Variants in SLC12A8 observed in about 807,000 individuals in gnomAD.
SLC12A8 encodes solute carrier family 12 member 8, also known as cation-chloride cotransporter 9.
Under a neutral mutation model 75.6 loss-of-function variants are expected in SLC12A8, and 69 were observed. The observed-to-expected ratio is 0.91, with a 90% confidence interval of 0.75 to 1.11. The LOEUF is 1.11. SLC12A8 is among the 50% of genes most tolerant of loss of function. The pLI is 0.00. For missense variants in SLC12A8, 877 were observed against 896.7 expected (o/e 0.98, Z 0.28); for synonymous variants, 365 against 372.8 (o/e 0.98, Z 0.24).
At chr3:125,135,144 C>T (rs771335055) in intron 6 of SLC12A8, among the ~76,000 whole-genome samples, 1 of 152,140 alleles carries the variant, frequency 6.6e-6, no homozygotes, top group South Asian at 2.1e-4. Context: ...TCCTCACCCC[C>T]GCGATACTGG....
intron 1 of SLC12A8, among the ~76,000 whole-genome samples, chr3:125,211,990 C>T (rs1328076012): frequency 1.3e-5 from 2 of 152,008 alleles, no homozygotes; most frequent in African/African-American, 2.4e-5. Context: ...CTGGACCTGG[C>T]TTTCCTTGAG....
At chr3:125,196,010 A>C (rs1458258037) in intron 2 of SLC12A8, among the ~76,000 whole-genome samples, 2 of 152,208 alleles carry the variant, frequency 1.3e-5, no homozygotes, top group Non-Finnish European at 2.9e-5. Context: ...GAACCAGTGA[A>C]ACATCAGCTG....
intron 5 of SLC12A8, among the ~76,000 whole-genome samples, chr3:125,137,179 C>T (rs1396310992): frequency 3.3e-5 from 5 of 152,306 alleles, no homozygotes; most frequent in South Asian, 4.1e-4. Context: ...CCAATGAGGT[C>T]GCCCGCACTT....
At chr3:125,105,471 A>G (rs1203953292) in intron 10 of SLC12A8, among the ~76,000 whole-genome samples, 1 of 152,194 alleles carries the variant, frequency 6.6e-6, no homozygotes, top group East Asian at 1.9e-4. Context: ...ATAACACAAA[A>G]AGGCATTTGA....
intron 4 of SLC12A8, among the ~76,000 whole-genome samples, chr3:125,180,031 T>G (rs547031044): frequency 8.6e-6 from 1 of 116,734 alleles, no homozygotes; most frequent in East Asian, 1.9e-4. Context: ...TCCAAACTGT[T>G]TTTTTTTTCC....
intron 5 of SLC12A8, among the ~76,000 whole-genome samples, chr3:125,153,538 A>G (rs1037754721): frequency 8.5e-5 from 13 of 152,242 alleles, no homozygotes; most frequent in African/African-American, 3.1e-4. Flanking sequence ...TGGGAAGTAC[A>G]AGACAAATAC....
intron 13 of SLC12A8, 172 bp downstream of exon 13, chr3:125,088,138 A>G (rs1403706350): frequency 1.7e-6 from 1 of 596,624 alleles, no homozygotes; most frequent in African/African-American, 1.9e-5. Flanking sequence ...CTGGGGGCCG[A>G]GTGTGGTGGA....
chr3:125,177,740 T>A lies in SLC12A8; in HGVS notation c.622+3A>T. On this transcript the variant is annotated splice_donor_region_variant and intron_variant, in intron 5 of 13. Coordinates refer to ENST00000469902, the MANE Select transcript of SLC12A8 (RefSeq NM_024628.6). ...GCCACATACTGGACTCTGAAAGGCT[T>A]ACCTGGGTCCAGGTGGGTGAAAGAA... 1.2e-6 allele frequency: 2 copies of A among 1,612,646 alleles called. No individual in the cohort carries two copies. Among genetic ancestry groups the A allele is most frequent in the Non-Finnish European group, 1.7e-6 (2 of 1,178,742 alleles).
At chr3:125,087,741 G>A (rs1011433792) in intron 13 of SLC12A8, among the ~76,000 whole-genome samples, 1 of 152,188 alleles carries the variant, frequency 6.6e-6, no homozygotes, top group African/African-American at 2.4e-5. Context: ...TAGGGCACAT[G>A]TGAAATATAC....
At chr3:125,133,344 TAC>T (rs374385025) in intron 6 of SLC12A8, among the ~76,000 whole-genome samples, 94 of 148,822 alleles carry the variant, frequency 6.3e-4, no homozygotes, top group Admixed American at 2.2e-3. Flanking sequence ...TAATCAGGAA[TAC>T]ACACACACAC....
At chr3:125,117,708 G>A (rs1939347443) in intron 8 of SLC12A8, among the ~76,000 whole-genome samples, 1 of 152,102 alleles carries the variant, frequency 6.6e-6, no homozygotes, top group East Asian at 1.9e-4. Flanking sequence ...AAAAATGATG[G>A]GAATCTCAGG....
intron 5 of SLC12A8, among the ~76,000 whole-genome samples, chr3:125,172,785 T>C (rs1342723624): frequency 1.3e-5 from 2 of 152,242 alleles, no homozygotes; most frequent in Non-Finnish European, 2.9e-5. Flanking sequence ...ATTATACATT[T>C]CAGGATTGTT....
intron 5 of SLC12A8, among the ~76,000 whole-genome samples, chr3:125,146,535 C>T (rs941276159): frequency 6.6e-6 from 1 of 152,236 alleles, no homozygotes; most frequent in Non-Finnish European, 1.5e-5. Context: ...CCCAGGGATC[C>T]TCAGAGATGG....
intron 10 of SLC12A8, among the ~76,000 whole-genome samples, chr3:125,098,973 A>G (rs1938792059): frequency 1.3e-5 from 2 of 152,254 alleles, no homozygotes; most frequent in Admixed American, 6.5e-5. Flanking sequence ...TGAGAGCACC[A>G]TAGAAAGACT....
chr3:125,199,057 C>T (rs1053539311), intron 2 of SLC12A8, among the ~76,000 whole-genome samples: 6 of 152,082 alleles, frequency 3.9e-5, no homozygotes, highest in East Asian at 1.9e-4. Context: ...GGATTATAGG[C>T]GTGAGCCACC....
intron 10 of SLC12A8, among the ~76,000 whole-genome samples, chr3:125,101,838 A>G (rs1938885144): frequency 2.0e-5 from 3 of 152,196 alleles, no homozygotes; most frequent in Admixed American, 1.3e-4. Context: ...CAATGCTTCA[A>G]TGTTTTAGCC....
At chr3:125,197,441 A>G (rs1935029407) in intron 2 of SLC12A8, among the ~76,000 whole-genome samples, 1 of 152,094 alleles carries the variant, frequency 6.6e-6, no homozygotes, top group Non-Finnish European at 1.5e-5. Context: ...ACAGGTATGC[A>G]TCACCATGCC....
intron 6 of SLC12A8, chr3:125,125,918 A>C: frequency 1.0e-6 from 1 of 984,856 alleles, no homozygotes; most frequent in Non-Finnish European, 1.2e-6. Context: ...GGCGCGATGC[A>C]TTGGTTTCGC....
chr3:125,132,692 T>C (rs1008736892), intron 6 of SLC12A8, among the ~76,000 whole-genome samples: 1 of 152,174 alleles, frequency 6.6e-6, no homozygotes, highest in Non-Finnish European at 1.5e-5. Flanking sequence ...ACTGAATGTA[T>C]GATGTGAAGC....
Sources: allele counts gnomAD v4.1 joint callset (sites outside exome capture counted in the v4.1 genomes callset), GRCh38; gene constraint gnomAD v4.1.1; transcripts MANE v1.5; gene names NCBI Gene and HGNC (gene_info 2026-07-23, HGNC 2026-07-21).